Variants in KCNH1 observed in about 807,000 individuals in gnomAD.
The protein encoded by KCNH1 is potassium voltage-gated channel subfamily H member 1.
A neutral mutation model predicts 69.2 loss-of-function variants in KCNH1; 27 were observed. The observed-to-expected ratio is 0.39, with a 90% CI of 0.29 to 0.54. KCNH1 has a LOEUF of 0.54. Ranked by LOEUF, KCNH1 falls within the 20% of genes least tolerant of loss-of-function variation. The probability of loss-of-function intolerance (pLI) is 0.68; values close to 1 mark genes in which losing one functional copy is unlikely to be tolerated. For missense variants in KCNH1, 798 were observed against 1,261.6 expected, an observed-to-expected ratio of 0.63 and a Z score of 5.57; for synonymous variants, 456 against 487.7, an observed-to-expected ratio of 0.93 and a Z score of 0.86.
In KCNH1 at chr1:211,061,454, C is replaced by T. The variant is rs79585119; in HGVS notation, c.558+21326G>A. On this transcript the variant is annotated intron_variant, in intron 5 of 10. Transcript: ENST00000271751. ...TGTTATTCAACATAGTACTGGAAGT[C>T]CTAACTACAGCAATCAGATTCAATC... Among the ~76,000 whole-genome samples, 52 of 152,098 alleles carry T rather than the reference C, an allele frequency of 3.4e-4. No individual in the cohort carries two copies. In the East Asian group the frequency reaches 8.1e-3, roughly 24 times the overall value.
intron 7 of KCNH1, among the ~76,000 whole-genome samples, chr1:210,916,000 C>T (rs1212672585): frequency 6.6e-6 from 1 of 152,052 alleles, no homozygotes; most frequent in Non-Finnish European, 1.5e-5. Context: ...TTAAGGAGTG[C>T]TAGGCCTGAC....
At chr1:211,050,947 G>A (rs1268105593) in intron 5 of KCNH1, among the ~76,000 whole-genome samples, 1 of 151,952 alleles carries the variant, frequency 6.6e-6, no homozygotes, top group Non-Finnish European at 1.5e-5. Context: ...TGTGTTCGAT[G>A]GGAGAGAGAA....
At chr1:210,731,453 T>A (rs2149031563) in intron 10 of KCNH1, among the ~76,000 whole-genome samples, 1 of 152,314 alleles carries the variant, frequency 6.6e-6, no homozygotes, top group African/African-American at 2.4e-5. Context: ...CTTTTTACTC[T>A]TTCACAGGCC....
chr1:210,959,835 G>A (rs1330200087), intron 6 of KCNH1, among the ~76,000 whole-genome samples: 2 of 152,216 alleles, frequency 1.3e-5, no homozygotes, highest in South Asian at 2.1e-4. Context: ...GGCTAGGAAA[G>A]GGAAATCCCC....
At chr1:210,766,851 A>G (rs918213069) in intron 10 of KCNH1, among the ~76,000 whole-genome samples, 7 of 152,356 alleles carry the variant, frequency 4.6e-5, no homozygotes, top group African/African-American at 1.7e-4. Context: ...GTGAGCTCAT[A>G]TGCAGGCATT....
chr1:211,122,890 A>T (rs1249123386), intron 1 of KCNH1, among the ~76,000 whole-genome samples: 1 of 152,174 alleles, frequency 6.6e-6, no homozygotes, highest in Admixed American at 6.5e-5. Context: ...CCACCATGAC[A>T]CATGTATATG....
At chr1:211,060,841 G>C (rs986592515) in intron 5 of KCNH1, among the ~76,000 whole-genome samples, 1 of 152,042 alleles carries the variant, frequency 6.6e-6, no homozygotes, top group Non-Finnish European at 1.5e-5. Flanking sequence ...TCAAAGAAAA[G>C]CTTGGGATTC....
intron 5 of KCNH1, among the ~76,000 whole-genome samples, chr1:211,076,147 C>T (rs769325653): frequency 5.9e-5 from 9 of 152,238 alleles, no homozygotes; most frequent in East Asian, 1.9e-4. Context: ...TCCACCTCTG[C>T]GGGCAGGGCA....
chr1:210,846,349 T>C (rs1360126873), intron 7 of KCNH1, among the ~76,000 whole-genome samples: 2 of 152,092 alleles, frequency 1.3e-5, no homozygotes, highest in East Asian at 1.9e-4. Flanking sequence ...GCTACAGTAA[T>C]CAAAACAGCA....
intron 9 of KCNH1, among the ~76,000 whole-genome samples, chr1:210,795,817 C>G (rs1202714385): frequency 6.6e-6 from 1 of 152,048 alleles, no homozygotes; most frequent in Non-Finnish European, 1.5e-5. Context: ...AATGGGCTAG[C>G]ATACTACGTT....
At chr1:210,959,323 G>A (rs959859446) in intron 6 of KCNH1, among the ~76,000 whole-genome samples, 3 of 152,162 alleles carry the variant, frequency 2.0e-5, no homozygotes, top group Non-Finnish European at 4.4e-5. Context: ...TATATGAGGT[G>A]TCTGTCAGTC....
At chr1:210,752,086 AG>A (rs1683295860) in intron 10 of KCNH1, among the ~76,000 whole-genome samples, 1 of 152,206 alleles carries the variant, frequency 6.6e-6, no homozygotes. Context: ...ATTGTAGCCC[AG>A]TGGGGCAAAG....
chr1:210,785,800 G>A (rs576798460), intron 9 of KCNH1, among the ~76,000 whole-genome samples: 1 of 152,130 alleles, frequency 6.6e-6, no homozygotes, highest in East Asian at 1.9e-4. Context: ...CTCTCTCCTC[G>A]GGAATGAACT....
chr1:211,105,119 T>G (rs1222659606), intron 2 of KCNH1, among the ~76,000 whole-genome samples: 1 of 152,212 alleles, frequency 6.6e-6, no homozygotes, highest in African/African-American at 2.4e-5. Flanking sequence ...TACGCACTCA[T>G]GTAGTTCTCT....
At chr1:211,062,968 A>G (rs1335146048) in intron 5 of KCNH1, among the ~76,000 whole-genome samples, 2 of 152,244 alleles carry the variant, frequency 1.3e-5, no homozygotes, top group African/African-American at 2.4e-5. Flanking sequence ...TATATTCCCA[A>G]AAGAAATAAA....
intron 7 of KCNH1, among the ~76,000 whole-genome samples, chr1:210,899,137 C>G (rs904671165): frequency 6.6e-6 from 1 of 152,136 alleles, no homozygotes; most frequent in African/African-American, 2.4e-5. Flanking sequence ...TTTCAGGGGT[C>G]CTTACATTCA....
intron 6 of KCNH1, among the ~76,000 whole-genome samples, chr1:210,951,951 G>A (rs1688070023): frequency 6.6e-6 from 1 of 151,938 alleles, no homozygotes; most frequent in South Asian, 2.1e-4. Flanking sequence ...GCCCCCTCTG[G>A]CCCTCCTTGT....
rs1681315631 is a variant in KCNH1, at chr1:210,683,260, C to CA, written c.*20_*21insT. 6.3e-7 allele frequency: 1 copy of CA among 1,577,278 alleles called. No homozygotes were observed. Among genetic ancestry groups the CA allele is most frequent in the South Asian group, 1.1e-5 (1 of 88,436 alleles). ...CAGGGTTGGAGGTATCTGTCTCTGA[C>CA]TTTTTTTTTAAATAGACCTCTCAGC... On this transcript the variant is annotated 3_prime_UTR_variant, in exon 11 of 11. Transcript: ENST00000271751. This position sits in a 1 kb window ranked among gnomAD's most constrained non-coding sequence, Gnocchi z 5.7.
intron 10 of KCNH1, among the ~76,000 whole-genome samples, chr1:210,685,558 A>C (rs1356820741): frequency 1.3e-5 from 2 of 152,218 alleles, no homozygotes; most frequent in Non-Finnish European, 2.9e-5. Context: ...GGAACCTCAC[A>C]GAGGTATCTT....
Sources: allele counts gnomAD v4.1 joint callset (sites outside exome capture counted in the v4.1 genomes callset), GRCh38; gene constraint gnomAD v4.1.1; non-coding constraint Gnocchi (gnomAD v3.1); transcripts MANE v1.5; gene names NCBI Gene and HGNC (gene_info 2026-07-23, HGNC 2026-07-21).